DAZL: variants seen among roughly 807,000 people sequenced by gnomAD.
The protein encoded by DAZL is deleted in azoospermia-like.
In DAZL, 4 loss-of-function variants were observed where a neutral mutation model predicts 45.0. The ratio of observed to expected loss-of-function variants is 0.09; its 90% CI spans 0.04 to 0.20. The LOEUF (loss-of-function observed/expected upper bound fraction) is 0.20, where lower values mean the gene tolerates loss of function less well. DAZL is among the 10% of genes least tolerant of loss of function. The pLI, the probability that DAZL is intolerant of heterozygous loss-of-function variation, is 1.00. For missense variants in DAZL, 326 were observed against 351.3 expected, an observed-to-expected ratio of 0.93 and a Z score of 0.58; for synonymous variants, 122 against 112.4, an observed-to-expected ratio of 1.09 and a Z score of -0.54.
At chr3:16,590,464 T>C (rs1409316020) in intron 10 of DAZL, among the ~76,000 whole-genome samples, 2 of 152,222 alleles carry the variant, frequency 1.3e-5, no homozygotes, top group Non-Finnish European at 2.9e-5. Flanking sequence ...GTAAAGTGTG[T>C]AGCCAGTTTT....
At chr3:16,602,274 T>C (rs1291098209) in intron 1 of DAZL, among the ~76,000 whole-genome samples, 1 of 152,052 alleles carries the variant, frequency 6.6e-6, no homozygotes, top group African/African-American at 2.4e-5. Flanking sequence ...AGAAATAAAT[T>C]TGGAAATCAA....
At chr3:16,605,162 A>ATTC in intron 1 of DAZL, 41 bp downstream of exon 1, 1 of 1,613,652 alleles carries the variant, frequency 6.2e-7, no homozygotes, top group Non-Finnish European at 8.5e-7. Context: ...ACGAGTGAAG[A>ATTC]CTCCGCCAGC....
At chr3:16,591,044 TA>T (rs1169264599) in intron 10 of DAZL, among the ~76,000 whole-genome samples, 11 of 152,194 alleles carry the variant, frequency 7.2e-5, no homozygotes, top group Admixed American at 7.2e-4. Context: ...ATAAACCTAT[TA>T]TTTAAAAAAC....
intron 1 of DAZL, among the ~76,000 whole-genome samples, chr3:16,603,949 A>G (rs1694733927): frequency 6.6e-6 from 1 of 152,194 alleles, no homozygotes; most frequent in African/African-American, 2.4e-5. Context: ...TTGTTTTCAA[A>G]TGAGTAAATA....
rs1426815952 is a variant in DAZL, at chr3:16,596,767, T to G, written c.481A>C (p.Ile161Leu). Reference sequence around the variant, plus strand: ...ATTCTTACCTGAACATACTGAGTTATAGGATTCATCGTGGTTGTGGGCTGC... The same window carrying G: ...ATTCTTACCTGAACATACTGAGTTAGAGGATTCATCGTGGTTGTGGGCTGC... ...YMQPTTTMNP[I>L]TQYVQAYPTY... The change falls in exon 6 of 11, where the codon ATA (isoleucine) becomes CTA (leucine). Residue 161 changes from isoleucine (I) to leucine (L), a missense_variant. Transcript: ENST00000399444. 6.2e-7 allele frequency: 1 copy of G among 1,613,762 alleles called. No homozygotes were observed. The highest frequency in any genetic ancestry group is 1.1e-5 in the South Asian group (1 of 91,062).
intron 2 of DAZL, 67 bp downstream of exon 2, chr3:16,598,385 G>GT: frequency 6.3e-7 from 1 of 1,586,704 alleles, no homozygotes; most frequent in African/African-American, 1.3e-5. Flanking sequence ...CCTTAAGTTT[G>GT]TAACAGGGCC....
In DAZL at chr3:16,605,356, C is replaced by T; in HGVS notation, c.-151G>A. On this transcript the variant is annotated 5_prime_UTR_variant, in exon 1 of 11. Coordinates refer to ENST00000399444, the MANE Select transcript of DAZL (RefSeq NM_001351.4). ...CCAAAGATGAAGAGAAAAGGAAAAC[C>T]AAGAGCGGGTGACAAGGCTGAGGAG... The T allele has an allele frequency of 8.3e-6, 8 of 965,054 alleles. No homozygotes were observed. The South Asian group carries it at 9.3e-5, about 11-fold the overall frequency. The allele number at this position is 965,054 out of a possible 1,614,324, so 59.8% of individuals were successfully genotyped here. A position where few individuals can be genotyped will look rare whatever the true frequency, so the allele number is the denominator to read the frequency against.
chr3:16,603,690 G>A (rs770924303), intron 1 of DAZL, among the ~76,000 whole-genome samples: 2 of 152,058 alleles, frequency 1.3e-5, no homozygotes, highest in African/African-American at 4.8e-5. Flanking sequence ...CATCATAAGC[G>A]AATTCGGTAA....
rs1426520862 is a variant in DAZL, at chr3:16,598,571, A to T, written c.31T>A (p.Ser11Thr). The T allele has an allele frequency of 1.3e-6, 2 of 1,599,220 alleles. No individual in the cohort carries two copies. ...GTGCTGGCCTCTCTGGAGATGGTTG[A>T]GTTTGGAGTTTCAGGATTTGCAGTA... Reference protein sequence around the residue: MSTANPETPNSTISREASTQS... With the variant: MSTANPETPNTTISREASTQS... Residue 11 changes from serine to threonine, a missense_variant, in exon 2 of 11, where the codon TCA (serine) becomes ACA (threonine). This residue lies in a region of DAZL where 81 missense variants were observed against 89.6 expected (regional missense o/e 0.90). Transcript: ENST00000399444.
At chr3:16,605,049 C>T (rs1694757424) in intron 1 of DAZL, among the ~76,000 whole-genome samples, 154 bp downstream of exon 1, 1 of 152,250 alleles carries the variant, frequency 6.6e-6, no homozygotes, top group African/African-American at 2.4e-5. Flanking sequence ...CCGCCTCTCC[C>T]AACTCTGTGG....
rs376220209 is a variant in DAZL at position 16,593,692 on chromosome 3, T to C, written c.698A>G (p.His233Arg). The C allele has an allele frequency of 3.5e-5, 56 of 1,612,400 alleles. 1 individual carries two copies. The South Asian group carries it at 5.4e-4, about 16-fold the overall frequency. The part of the protein sequence containing the change: ...AEVVPNECSV[H>R]EATPPSGNGP... ...ATTTCCAGAGGGTGGAGTAGCTTCATGAACTGAACATTCATTTGGCACAAC... is the reference window on the plus strand; with the variant it reads ...ATTTCCAGAGGGTGGAGTAGCTTCACGAACTGAACATTCATTTGGCACAAC... Residue 233 changes from histidine (H) to arginine (R), a missense_variant, in exon 9 of 11, where the codon CAT becomes CGT. Around this residue, in one of 3 missense-constraint regions of DAZL, gnomAD observed 227 missense variants for 216.6 expected, o/e 1.05. Coordinates refer to ENST00000399444, the MANE Select transcript of DAZL (RefSeq NM_001351.4).
rs1229220881 is a variant in DAZL, at chr3:16,604,939, C to T, written c.3+264G>A. 1.0e-5 allele frequency: 7 copies of T among 684,490 alleles called. No homozygotes were observed. In the Admixed American group the frequency reaches 1.1e-4, roughly 11 times the overall value. The allele number at this position is 684,490 out of a possible 1,614,324, so 42.4% of individuals were successfully genotyped here. A position where few individuals can be genotyped will look rare whatever the true frequency, so the allele number is the denominator to read the frequency against. ...TGCCTCAAGAAGGCCGTGGCCCTTG[C>T]ACGTGGCCGGCGAGGCAGCGCGTCC... On this transcript the variant is annotated intron_variant, in intron 1 of 10. Transcript: ENST00000399444.
rs750247241 is a variant in DAZL, at chr3:16,587,284, T to C, written c.*1376A>G. 2 of 152,134 alleles carry C rather than the reference T, an allele frequency of 1.3e-5. No individual in the cohort carries two copies. Among genetic ancestry groups the C allele is most frequent in the Non-Finnish European group, 2.9e-5 (2 of 68,010 alleles). The allele number at this position is 152,134 out of a possible 1,614,324, so 9.4% of individuals were successfully genotyped here. A position where few individuals can be genotyped will look rare whatever the true frequency, so the allele number is the denominator to read the frequency against. ...ACTACATTAAGTTAGAATTTCTACATTTTAGGGAAGAAGTCACTGAAAGAA... is the reference window on the plus strand; with the variant it reads ...ACTACATTAAGTTAGAATTTCTACACTTTAGGGAAGAAGTCACTGAAAGAA... On this transcript the variant is annotated 3_prime_UTR_variant, in exon 11 of 11. Coordinates refer to ENST00000399444, the MANE Select transcript of DAZL (RefSeq NM_001351.4).
chr3:16,598,787 CTT>C (rs367758271), intron 1 of DAZL, among the ~76,000 whole-genome samples, 189 bp from the exon 2 acceptor site: 65 of 136,710 alleles, frequency 4.8e-4, no homozygotes, highest in African/African-American at 8.3e-4. Context: ...GGATATAGTA[CTT>C]TTTTTTTTTT....
chr3:16,594,007 T>C (rs1694560168), intron 8 of DAZL, among the ~76,000 whole-genome samples: 1 of 152,222 alleles, frequency 6.6e-6, no homozygotes. Context: ...TCTAAGAAAC[T>C]AATGTAGTAA....
intron 1 of DAZL, among the ~76,000 whole-genome samples, chr3:16,602,487 T>C (rs1575420600): frequency 6.6e-6 from 1 of 152,182 alleles, no homozygotes; most frequent in South Asian, 2.1e-4. Context: ...AAGAGGAGAT[T>C]AAAAAATTCA....
intron 10 of DAZL, among the ~76,000 whole-genome samples, chr3:16,591,073 C>T (rs931475429): frequency 3.3e-5 from 5 of 152,088 alleles, no homozygotes; most frequent in Non-Finnish European, 5.9e-5. Context: ...CTTTACTAAC[C>T]GTAATATTTC....
intron 1 of DAZL, among the ~76,000 whole-genome samples, chr3:16,602,113 TG>T (rs1694699301): frequency 6.6e-6 from 1 of 151,572 alleles, no homozygotes; most frequent in African/African-American, 2.4e-5. Context: ...AGTAGATTCT[TG>T]GGGAGTTGGG....
At position 16,592,055 on chromosome 3, in the gene DAZL, A is replaced by G; in HGVS notation, c.829T>C (p.Phe277Leu). Residue 277 changes from phenylalanine to leucine, a missense_variant, in exon 10 of 11, where the codon TTC (phenylalanine) becomes CTC (leucine). Phe to Leu is a conservative substitution (Grantham distance 22). This residue lies in a region of DAZL where 227 missense variants were observed against 216.6 expected (regional missense o/e 1.05). Transcript: ENST00000399444. ...CGTAACTGTTATATTCATACCTTGA[A>G]GTAGTCATCTTGAGTAACAACAGAG... ...RNSVVTQDDYFKDKRVHHFRR... is the reference protein window; with the variant it reads ...RNSVVTQDDYLKDKRVHHFRR... 6.2e-7 allele frequency: 1 copy of G among 1,612,608 alleles called. No individual in the cohort carries two copies.
Sources: gnomAD v4.1 joint callset for allele counts (sites outside exome capture counted in the v4.1 genomes callset) on GRCh38, gnomAD v4.1.1 for gene constraint, gnomAD v4.1.1 regional missense constraint, MANE v1.5 for transcripts, NCBI Gene and HGNC (gene_info 2026-07-23, HGNC 2026-07-21) for gene names.